Variants in GSE1 observed in about 807,000 individuals in gnomAD.
GSE1 encodes Gse1 coiled-coil protein, also known as genetic suppressor element 1.
GSE1 carries 32 observed loss-of-function variants against 112.6 expected under a neutral mutation model. The ratio of observed to expected loss-of-function variants is 0.28; its 90% CI spans 0.21 to 0.38. The LOEUF is 0.38. Among genes scored for constraint, GSE1 ranks in the 10% least tolerant of loss-of-function variants. GSE1 has a pLI of 1.00. For synonymous variants in GSE1, 1,115 were observed against 735.6 expected (o/e 1.52, Z -8.35); for missense variants, 2,348 against 1,699.2 (o/e 1.38, Z -6.71).
At chr16:85,341,938 A>G (rs750542618) in intron 1 of GSE1, among the ~76,000 whole-genome samples, 2 of 152,048 alleles carry the variant, frequency 1.3e-5, no homozygotes, top group Non-Finnish European at 2.9e-5. Flanking sequence ...GCCTTTGGGG[A>G]TGCTCAGGAC....
intron 1 of GSE1, among the ~76,000 whole-genome samples, chr16:85,582,743 C>T (rs1176963255): frequency 6.6e-6 from 1 of 152,122 alleles, no homozygotes; most frequent in Non-Finnish European, 1.5e-5. Context: ...CCTGCACAAC[C>T]CCCCCTCGCC....
Position 85,281,362 on chromosome 16 carries a change from C to T in GSE1, c.2284-76101C>T, listed in dbSNP as rs1297575833. Among the ~76,000 whole-genome samples the T allele has an allele frequency of 5.3e-5, 8 of 152,122 alleles. No homozygotes were observed. The East Asian group carries it at 1.2e-3, about 22-fold the overall frequency. On this transcript the variant is annotated intron_variant, in intron 1 of 2. Transcript: ENST00000637419. ...CCCTCCAAACCCCGGCCACCAGCAG[C>T]TCCAAGCAGTTCCAGGCACGAGTTA... is the stretch of plus-strand genomic sequence containing the variant.
Position 85,666,907 on chromosome 16 carries a change from A to C in GSE1, c.3130+560A>C, listed in dbSNP as rs145475083. 3.3e-5 allele frequency among the ~76,000 whole-genome samples: 5 copies of C among 152,382 alleles called. No homozygotes were observed. In the East Asian group the frequency reaches 9.6e-4, roughly 29 times the overall value. On this transcript the variant is annotated intron_variant, in intron 13 of 15. Transcript: ENST00000253458. ...GGGTGGAATTCCACCAAGTTCCAAA[A>C]ACAAAACTTGAATTTGCCAAGCACC...
intron 1 of GSE1, chr16:85,278,967 T>A (rs1326679634): frequency 6.5e-6 from 1 of 154,216 alleles, no homozygotes; most frequent in Non-Finnish European, 1.4e-5. Context: ...CAGTGAATGC[T>A]CAGTACGGGA....
chr16:85,261,052 T>C (rs893569110), intron 1 of GSE1, among the ~76,000 whole-genome samples: 2 of 152,196 alleles, frequency 1.3e-5, no homozygotes, highest in African/African-American at 4.8e-5. Flanking sequence ...TCCTGGCCTC[T>C]CTCGGGTGCT....
At chr16:85,286,155 G>A (rs879812136) in intron 1 of GSE1, among the ~76,000 whole-genome samples, 41 of 152,358 alleles carry the variant, frequency 2.7e-4, no homozygotes, top group African/African-American at 8.4e-4. Context: ...CAGACTGGGC[G>A]GTGATGAACA....
At chr16:85,567,033 C>T (rs1305286879) in intron 1 of GSE1, among the ~76,000 whole-genome samples, 4 of 150,662 alleles carry the variant, frequency 2.7e-5, no homozygotes, top group Admixed American at 1.3e-4. Flanking sequence ...GTGTTACTCC[C>T]GCCCCCACCC....
intron 3 of GSE1, among the ~76,000 whole-genome samples, chr16:85,651,558 G>A (rs2051358544): frequency 1.3e-5 from 2 of 152,194 alleles, no homozygotes; most frequent in Admixed American, 1.3e-4. Flanking sequence ...GGGGCGGCTG[G>A]GGCCCTGTGC....
At chr16:85,647,313 T>A (rs2050956848) in intron 2 of GSE1, among the ~76,000 whole-genome samples, 2 of 152,066 alleles carry the variant, frequency 1.3e-5, no homozygotes, top group Non-Finnish European at 2.9e-5. Flanking sequence ...CCCTGCTGCG[T>A]TTTGGGGGCT....
At chr16:85,242,500 CCTT>C (rs1438852916) in intron 1 of GSE1, among the ~76,000 whole-genome samples, 1 of 152,234 alleles carries the variant, frequency 6.6e-6, no homozygotes, top group African/African-American at 2.4e-5. Flanking sequence ...TTGCACTGGT[CCTT>C]CTTCTAAACT....
exon 1 of GSE1, chr16:85,170,538 C>T (rs760813513): frequency 5.4e-5 from 53 of 985,690 alleles, no homozygotes; most frequent in Non-Finnish European, 6.3e-5. Context: ...AACAGCCTTT[C>T]CCAGGCGTCT....
At chr16:85,564,033 G>A (rs528655410) in intron 1 of GSE1, among the ~76,000 whole-genome samples, 4 of 152,314 alleles carry the variant, frequency 2.6e-5, no homozygotes, top group South Asian at 4.1e-4. Flanking sequence ...AGTGGGTGCC[G>A]GGCACTGCGC....
At chr16:85,547,883 A>AC (rs1424089880) in intron 2 of GSE1, among the ~76,000 whole-genome samples, 7 of 150,888 alleles carry the variant, frequency 4.6e-5, no homozygotes, top group Non-Finnish European at 8.9e-5. Flanking sequence ...TGTCTCAAAA[A>AC]AAAAAAAAAA....
chr16:85,271,578 G>A (rs1404708219), intron 1 of GSE1, among the ~76,000 whole-genome samples: 1 of 152,222 alleles, frequency 6.6e-6, no homozygotes, highest in Admixed American at 6.5e-5. Flanking sequence ...GGCCTTTGCA[G>A]CCCACGCTGG....
chr16:85,211,578 G>C (rs1390020725), intron 1 of GSE1, among the ~76,000 whole-genome samples: 2 of 152,216 alleles, frequency 1.3e-5, no homozygotes, highest in Non-Finnish European at 2.9e-5. Flanking sequence ...GGGTCTGGAG[G>C]GGGCCCTGGC....
rs1255941684 is a variant in GSE1 at position 85,668,177 on chromosome 16, G to A, written c.3168G>A (p.Lys1056=). The change falls in exon 14 of 16, where the codon AAG becomes AAA. Residue 1056 remains lysine (K), a synonymous_variant. Transcript: ENST00000253458. ...TGCTGTCTGCAGAGCAGAACCACAA[G>A]GTTGACACGTCCGTCCACTACAACA... ...VAVLSAEQNH[K]VDTSVHYNIP... is the part of the protein sequence containing the mutation. 1.2e-6 allele frequency: 2 copies of A among 1,606,776 alleles called. No homozygotes were observed. The highest frequency in any genetic ancestry group is 1.7e-6 in the Non-Finnish European group (2 of 1,175,186).
chr16:85,453,595 G>A (rs1401754846), intron 2 of GSE1, among the ~76,000 whole-genome samples: 1 of 152,086 alleles, frequency 6.6e-6, no homozygotes, highest in East Asian at 1.9e-4. Flanking sequence ...GCTGTTGAGG[G>A]CAGGGCTTGG....
chr16:85,557,254 C>T (rs965349543), intron 1 of GSE1, among the ~76,000 whole-genome samples: 1 of 152,218 alleles, frequency 6.6e-6, no homozygotes, highest in Non-Finnish European at 1.5e-5. Flanking sequence ...AACGCACAGG[C>T]CTGCCCCAGG....
chr16:85,345,911 G>A (rs796906790), intron 1 of GSE1, among the ~76,000 whole-genome samples: 1 of 152,152 alleles, frequency 6.6e-6, no homozygotes, highest in Non-Finnish European at 1.5e-5. Context: ...ATGTGGATGG[G>A]TGGATGGATG....
Sources: allele counts gnomAD v4.1 joint callset (sites outside exome capture counted in the v4.1 genomes callset), GRCh38; gene constraint gnomAD v4.1.1; transcripts MANE v1.5; gene names NCBI Gene and HGNC (gene_info 2026-07-23, HGNC 2026-07-21).